The following GRID2 variants were observed in gnomAD, a reference collection of about 807,000 sequenced individuals.
GRID2 encodes the protein glutamate receptor ionotropic, delta-2.
A neutral mutation model predicts 114.8 loss-of-function variants in GRID2; 33 were observed. That is an observed-to-expected ratio of 0.29 (90% CI 0.22 to 0.38). The LOEUF is 0.38. GRID2 is among the 10% of genes least tolerant of loss of function. GRID2 has a pLI of 1.00. For synonymous variants in GRID2, 505 were observed against 449.9 expected (o/e 1.12, Z -1.55); for missense variants, 1,184 against 1,257.7 (o/e 0.94, Z 0.89).
intron 2 of GRID2, among the ~76,000 whole-genome samples, chr4:92,958,796 G>A (rs973232904): frequency 6.6e-6 from 1 of 151,902 alleles, no homozygotes; most frequent in African/African-American, 2.4e-5. Flanking sequence ...ACCCATCTGG[G>A]CCTTGTACTT....
intron 1 of GRID2, among the ~76,000 whole-genome samples, chr4:92,457,195 T>A (rs796736117): frequency 6.6e-6 from 1 of 152,254 alleles, no homozygotes; most frequent in South Asian, 2.1e-4. Context: ...TGACTGTTCT[T>A]TAAAACCAAG....
chr4:92,313,109 G>A (rs1184515717), intron 1 of GRID2, among the ~76,000 whole-genome samples: 1,843 of 151,604 alleles, frequency 0.012, 40 homozygotes, highest in African/African-American at 0.041. Context: ...GTGTGTGTGT[G>A]TGTGTGTGTG....
chr4:92,767,167 T>C (rs1169357941), intron 2 of GRID2, among the ~76,000 whole-genome samples: 1 of 152,178 alleles, frequency 6.6e-6, no homozygotes, highest in Non-Finnish European at 1.5e-5. Flanking sequence ...AATGTAGACA[T>C]AGTCATGGAA....
chr4:92,944,273 G>T (rs559004959), intron 2 of GRID2, among the ~76,000 whole-genome samples: 7 of 152,308 alleles, frequency 4.6e-5, no homozygotes, highest in Admixed American at 6.5e-5. Context: ...CTGGGCAATT[G>T]TGGGTGCCCC....
chr4:92,495,793 A>T (rs1465839781), intron 1 of GRID2, among the ~76,000 whole-genome samples: 2 of 152,006 alleles, frequency 1.3e-5, no homozygotes, highest in South Asian at 2.1e-4. Flanking sequence ...TCATTTTCTG[A>T]TCTGAGAACC....
chr4:93,147,561 A>G (rs1464619764), intron 4 of GRID2, among the ~76,000 whole-genome samples: 1 of 152,200 alleles, frequency 6.6e-6, no homozygotes, highest in African/African-American at 2.4e-5. Flanking sequence ...TACTGCTTCT[A>G]GGATGTGTGA....
In GRID2 at chr4:92,975,156, C is replaced by CAAAAAAA. The variant is rs527770693; in HGVS notation, c.245-109824_245-109818dup. On this transcript the variant is annotated intron_variant, in intron 2 of 15. Coordinates refer to ENST00000282020, the MANE Select transcript of GRID2 (RefSeq NM_001510.4). ...TGGGCGACAGAGTGAGATTCCGCCTCAAAAAAAAAAAAAAAAAAAAAGGTG... is the reference window on the plus strand; with the variant it reads ...TGGGCGACAGAGTGAGATTCCGCCTCAAAAAAAAAAAAAAAAAAAAAAAAAAAAGGTG... Among the ~76,000 whole-genome samples the CAAAAAAA allele has an allele frequency of 1.3e-4, 6 of 46,678 alleles. 1 individual carries two copies. The highest frequency in any genetic ancestry group is 3.9e-4 in the African/African-American group (4 of 10,198). The allele number at this position is 46,678 out of a possible 152,430, so 30.6% of individuals were successfully genotyped here.
intron 14 of GRID2, among the ~76,000 whole-genome samples, chr4:93,684,347 GTT>G (rs941795752): frequency 6.6e-5 from 10 of 152,180 alleles, no homozygotes; most frequent in Middle Eastern, 3.4e-3. Flanking sequence ...AAAGATCTTA[GTT>G]TGAAGAGAAA....
intron 2 of GRID2, among the ~76,000 whole-genome samples, chr4:92,637,550 TTAAAG>T (rs1187061215): frequency 1.3e-5 from 2 of 152,036 alleles, no homozygotes; most frequent in Non-Finnish European, 2.9e-5. Flanking sequence ...AGATATAAGT[TTAAAG>T]GAATGTGAAT....
intron 2 of GRID2, among the ~76,000 whole-genome samples, chr4:92,983,542 T>G (rs1218714771): frequency 6.6e-6 from 1 of 152,020 alleles, no homozygotes; most frequent in East Asian, 1.9e-4. Flanking sequence ...CTTCAAATTA[T>G]CAAATATTCT....
At chr4:92,726,032 C>G (rs1017536890) in intron 2 of GRID2, among the ~76,000 whole-genome samples, 45 of 151,978 alleles carry the variant, frequency 3.0e-4, no homozygotes, top group African/African-American at 1.1e-3. Flanking sequence ...TATGCATGTT[C>G]TAGAAAAACA....
chr4:93,244,645 TTA>T (rs1257996985), intron 8 of GRID2, among the ~76,000 whole-genome samples: 1 of 139,530 alleles, frequency 7.2e-6, no homozygotes, highest in East Asian at 2.0e-4. Flanking sequence ...AATTAATAGA[TTA>T]TATAATCTAT....
intron 3 of GRID2, among the ~76,000 whole-genome samples, chr4:93,094,008 G>T (rs1730996628): frequency 6.6e-6 from 1 of 151,974 alleles, no homozygotes; most frequent in Admixed American, 6.6e-5. Flanking sequence ...AGCTCAGACT[G>T]ATTCTTTCAC....
chr4:93,330,537 A>T (rs1289412107), intron 8 of GRID2, among the ~76,000 whole-genome samples: 1 of 152,162 alleles, frequency 6.6e-6, no homozygotes, highest in Non-Finnish European at 1.5e-5. Flanking sequence ...ACACATATTA[A>T]TTTTTAAAGT....
intron 8 of GRID2, among the ~76,000 whole-genome samples, chr4:93,362,551 A>G (rs1761973863): frequency 6.6e-6 from 1 of 152,002 alleles, no homozygotes; most frequent in Non-Finnish European, 1.5e-5. Context: ...TTCCTGAGAA[A>G]CTATAGCAAA....
chr4:92,938,725 C>T, intron 2 of GRID2, among the ~76,000 whole-genome samples: 1 of 144,380 alleles, frequency 6.9e-6, no homozygotes, highest in Non-Finnish European at 1.5e-5. Context: ...AGCCCCCACC[C>T]CACAACAGTC....
At chr4:92,560,831 C>T (rs1362639698) in intron 1 of GRID2, among the ~76,000 whole-genome samples, 6 of 152,022 alleles carry the variant, frequency 3.9e-5, no homozygotes, top group Non-Finnish European at 7.4e-5. Flanking sequence ...CCCAGTCTCC[C>T]AAGTGGCTGG....
chr4:92,485,545 C>G (rs1413681829), intron 1 of GRID2, among the ~76,000 whole-genome samples: 1 of 150,972 alleles, frequency 6.6e-6, no homozygotes, highest in African/African-American at 2.4e-5. Flanking sequence ...CAAAAATTAG[C>G]CAGGCATGGT....
intron 15 of GRID2, among the ~76,000 whole-genome samples, chr4:93,769,927 A>G (rs1252861960): frequency 1.3e-5 from 2 of 152,182 alleles, no homozygotes; most frequent in Non-Finnish European, 2.9e-5. Context: ...TTCTCTACTC[A>G]TGTAGACCTA....
Sources: gnomAD v4.1 joint callset for allele counts (sites outside exome capture counted in the v4.1 genomes callset) on GRCh38, gnomAD v4.1.1 for gene constraint, MANE v1.5 for transcripts, NCBI Gene and HGNC (gene_info 2026-07-23, HGNC 2026-07-21) for gene names.